The following COL17A1 variants were observed in gnomAD, a reference collection of about 807,000 sequenced individuals.
COL17A1 encodes the protein collagen type XVII alpha 1 chain.
A neutral mutation model predicts 218.4 loss-of-function variants in COL17A1; 181 were observed. The ratio of observed to expected loss-of-function variants is 0.83; its 90% CI spans 0.73 to 0.94. COL17A1 has a LOEUF of 0.94. COL17A1 is among the 40% of genes least tolerant of loss of function. The pLI is 0.00. For missense variants in COL17A1, 1,924 were observed against 1,945.9 expected (o/e 0.99, Z 0.21); for synonymous variants, 721 against 731.0 (o/e 0.99, Z 0.22).
intron 48 of COL17A1, 41 bp downstream of exon 48, chr10:104,036,451 A>G (rs2086299623): frequency 6.2e-7 from 1 of 1,613,100 alleles, no homozygotes; most frequent in Admixed American, 1.7e-5. Flanking sequence ...CATCCCAGTC[A>G]TCCCAGGCCC....
intron 23 of COL17A1, 105 bp from the exon 24 acceptor site, chr10:104,052,322 T>A: frequency 6.7e-7 from 1 of 1,482,640 alleles, no homozygotes; most frequent in Non-Finnish European, 9.4e-7. Context: ...CTGCTAGTGG[T>A]CTTGGATCCA....
chr10:104,055,143 G>A, intron 19 of COL17A1, 136 bp from the exon 20 acceptor site: 3 of 1,503,002 alleles, frequency 2.0e-6, no homozygotes, highest in Admixed American at 2.0e-5. Flanking sequence ...GTCCCTCCCA[G>A]TCCCAGAGTC....
At chr10:104,034,927 T>G (rs1309882301) in intron 50 of COL17A1, among the ~76,000 whole-genome samples, 160 bp from the exon 51 acceptor site, 1 of 152,170 alleles carries the variant, frequency 6.6e-6, no homozygotes, top group African/African-American at 2.4e-5. Context: ...CAGAGCCTGC[T>G]GTTTCCTGAC....
At chr10:104,037,189 G>A (rs2086308688) in intron 46 of COL17A1, 76 bp from the exon 47 acceptor site, 69 of 1,362,272 alleles carry the variant, frequency 5.1e-5, no homozygotes, top group Non-Finnish European at 7.1e-5. Flanking sequence ...GAATCTGAAA[G>A]GCCCGGTCAC....
rs763635529 is a variant in COL17A1, at chr10:104,070,428, G to A, written c.605C>T (p.Ser202Leu). Reference sequence around the variant, plus strand: ...GCAGCCTGGGCTGTCAGACTTACCCGACTGGGAGCTCGCTGTCACAATTTT... The same window carrying A: ...GCAGCCTGGGCTGTCAGACTTACCCAACTGGGAGCTCGCTGTCACAATTTT... ...ETKIVTASSQ[S>L]VSGTYDATIL... is the part of the protein sequence containing the mutation. Residue 202 changes from serine (S) to leucine (L), a missense_variant and splice_region_variant, in exon 9 of 56, where the codon TCG becomes TTG. Ser to Leu is a moderately radical substitution (Grantham distance 145). Transcript: ENST00000648076. 2.5e-5 allele frequency: 41 copies of A among 1,613,318 alleles called. No homozygotes were observed. Among genetic ancestry groups the A allele is most frequent in the South Asian group, 8.8e-5 (8 of 91,042 alleles).
Position 104,035,361 on chromosome 10 carries a change from C to G in COL17A1, c.3521G>C (p.Arg1174Thr), listed in dbSNP as rs200696422. The change falls in exon 50 of 56, where the codon AGA becomes ACA. Residue 1174 changes from arginine to threonine, a missense_variant. Arg to Thr is a moderately conservative substitution (Grantham distance 71). Transcript: ENST00000648076. ...GGGACCTGGGGGTCCAACGATGCCT[C>G]TGAATTCAGACCCTGAGACACCAAG... is the stretch of plus-strand genomic sequence containing the variant. ...LLSLLRGSEF[R>T]GIVGPPGPPG... 33 of 1,614,194 alleles carry G rather than the reference C, an allele frequency of 2.0e-5. No individual in the cohort carries two copies. Among genetic ancestry groups the G allele is most frequent in the Non-Finnish European group, 2.7e-5 (32 of 1,180,010 alleles).
intron 24 of COL17A1, 122 bp from the exon 25 acceptor site, chr10:104,051,638 A>G: frequency 7.9e-7 from 1 of 1,258,828 alleles, no homozygotes; most frequent in Non-Finnish European, 1.1e-6. Context: ...GTGTGAGTGT[A>G]TTGCAGGCCA....
At position 104,054,861 on chromosome 10, in the gene COL17A1, GT is replaced by G. The variant is rs555632088; in HGVS notation, c.1744+119del. The stretch of plus-strand genomic sequence containing the variant: ...GGAAACCTCTCCTCCTCACACACCT[GT>G]CCCATCTGTTGTCAAATTACTTCTT... On this transcript the variant is annotated intron_variant, in intron 20 of 55. Transcript: ENST00000648076. The G allele has an allele frequency of 4.7e-6, 7 of 1,483,344 alleles. No individual in the cohort carries two copies. The African/African-American group carries it at 9.7e-5, about 21-fold the overall frequency. 91.9% of individuals were successfully genotyped at this position (1,483,344 alleles called of 1,614,324 possible).
At chr10:104,036,035 AGT>A (rs1234222287) in intron 48 of COL17A1, among the ~76,000 whole-genome samples, 9 of 57,478 alleles carry the variant, frequency 1.6e-4, no homozygotes, top group Admixed American at 8.4e-4. Flanking sequence ...TGAGTATGGA[AGT>A]GTGTGTATAG....
Position 104,049,404 on chromosome 10 carries a change from C to T in COL17A1, c.2227+5G>A. On this transcript the variant is annotated splice_donor_5th_base_variant and intron_variant, in intron 29 of 55. Transcript: ENST00000648076. ...TCACTGAATCCATTCCTTTGGAACA[C>T]TTACCCATTGCTCCTTTAGCCCCGG... 1 of 1,614,006 alleles carries T rather than the reference C, an allele frequency of 6.2e-7. No homozygotes were observed. The highest frequency in any genetic ancestry group is 1.6e-4 in the Middle Eastern group (1 of 6,062).
At chr10:104,041,839 C>T (rs1427198537) in intron 36 of COL17A1, among the ~76,000 whole-genome samples, 2 of 152,242 alleles carry the variant, frequency 1.3e-5, no homozygotes. Flanking sequence ...TGCTCCCACA[C>T]GTCTAGCTGG....
intron 23 of COL17A1, 32 bp from the exon 24 acceptor site, chr10:104,052,249 G>T: frequency 6.8e-6 from 11 of 1,613,938 alleles, no homozygotes; most frequent in Non-Finnish European, 9.3e-6. Context: ...AGCACTTTGG[G>T]AGAGGCCCCA....
intron 47 of COL17A1, among the ~76,000 whole-genome samples, 183 bp from the exon 48 acceptor site, chr10:104,036,815 C>A (rs996962222): frequency 1.3e-5 from 2 of 152,208 alleles, no homozygotes; most frequent in Non-Finnish European, 2.9e-5. Flanking sequence ...CAAAGGGACA[C>A]CTGCCAGCTT....
At chr10:104,043,355 G>C in intron 35 of COL17A1, 146 bp downstream of exon 35, 2 of 754,726 alleles carry the variant, frequency 2.6e-6, no homozygotes, top group African/African-American at 1.7e-5. Flanking sequence ...GAGAATGCAA[G>C]AGTTTGCTTT....
At chr10:104,037,610 G>T in intron 46 of COL17A1, 26 bp downstream of exon 46, 1 of 1,613,936 alleles carries the variant, frequency 6.2e-7, no homozygotes, top group Non-Finnish European at 8.5e-7. Context: ...GAAGGTGCCA[G>T]GTGCAGGGCG....
At chr10:104,074,260 A>G (rs755437494) in intron 5 of COL17A1, 29 bp from the exon 6 acceptor site, 1 of 1,614,026 alleles carries the variant, frequency 6.2e-7, no homozygotes, top group Admixed American at 1.7e-5. Context: ...ACTTAGAACA[A>G]ATGGCCTCTT....
intron 1 of COL17A1, 148 bp from the exon 2 acceptor site, chr10:104,080,832 C>T: frequency 1.2e-6 from 1 of 835,362 alleles, no homozygotes. Flanking sequence ...ATGAGTCATT[C>T]CCATTTCTTG....
chr10:104,044,243 G>A (rs543446679), intron 33 of COL17A1, among the ~76,000 whole-genome samples: 72 of 152,222 alleles, frequency 4.7e-4, no homozygotes, highest in Non-Finnish European at 5.3e-4. Context: ...CGATGAGCCC[G>A]CCAGGTAGAG....
chr10:104,039,256 C>T (rs2086333417), intron 43 of COL17A1, 135 bp from the exon 44 acceptor site: 1 of 1,023,158 alleles, frequency 9.8e-7, no homozygotes, highest in Non-Finnish European at 1.5e-6. Flanking sequence ...AATACCACAG[C>T]TCCCTTGTAC....
Sources: gnomAD v4.1 joint callset for allele counts (sites outside exome capture counted in the v4.1 genomes callset) on GRCh38, gnomAD v4.1.1 for gene constraint, MANE v1.5 for transcripts, NCBI Gene and HGNC (gene_info 2026-07-23, HGNC 2026-07-21) for gene names.